MAGI2: variants seen among roughly 807,000 people sequenced by gnomAD.
MAGI2 encodes the protein membrane associated guanylate kinase, WW and PDZ domain containing 2, also known as membrane-associated guanylate kinase, WW and PDZ domain-containing protein 2.
Under a neutral mutation model 133.3 loss-of-function variants are expected in MAGI2, and 35 were observed. The observed-to-expected ratio is 0.26, with a 90% CI of 0.20 to 0.35. The LOEUF (loss-of-function observed/expected upper bound fraction) is 0.35, where lower values mean the gene tolerates loss of function less well. MAGI2 is among the 10% of genes least tolerant of loss of function. The pLI, the probability that MAGI2 is intolerant of heterozygous loss-of-function variation, is 1.00. For synonymous variants in MAGI2, 729 were observed against 710.6 expected, an observed-to-expected ratio of 1.03 and a Z score of -0.41; for missense variants, 1,636 against 1,863.4, an observed-to-expected ratio of 0.88 and a Z score of 2.25.
At chr7:78,995,379 A>T (rs895619265) in intron 2 of MAGI2, among the ~76,000 whole-genome samples, 2 of 152,174 alleles carry the variant, frequency 1.3e-5, no homozygotes, top group African/African-American at 4.8e-5. Flanking sequence ...ATAATTATCA[A>T]TTAACAATTT....
intron 1 of MAGI2, among the ~76,000 whole-genome samples, chr7:79,094,479 C>T (rs1026599221): frequency 6.6e-6 from 1 of 152,320 alleles, no homozygotes; most frequent in South Asian, 2.1e-4. Context: ...ATATTTGGAG[C>T]TCCTCCCATG....
chr7:79,380,087 G>A (rs185751103), intron 1 of MAGI2, among the ~76,000 whole-genome samples: 83 of 151,884 alleles, frequency 5.5e-4, no homozygotes, highest in Non-Finnish European at 1.0e-3. Context: ...ATAGGCATGG[G>A]CAAGGACTTC....
intron 1 of MAGI2, among the ~76,000 whole-genome samples, chr7:79,068,632 T>C (rs574947867): frequency 3.5e-4 from 53 of 152,324 alleles, no homozygotes; most frequent in African/African-American, 1.3e-3. Context: ...TTCTGCTAGC[T>C]TTTGAATTTG....
intron 4 of MAGI2, among the ~76,000 whole-genome samples, chr7:78,509,882 A>G (rs769719196): frequency 1.2e-4 from 19 of 152,168 alleles, no homozygotes; most frequent in Non-Finnish European, 2.4e-4. Context: ...AAAATAATTG[A>G]TTTGTTTTTA....
chr7:79,025,638 C>T (rs1456109296), intron 1 of MAGI2, among the ~76,000 whole-genome samples: 1 of 127,110 alleles, frequency 7.9e-6, no homozygotes. Flanking sequence ...AGAATTAGAA[C>T]GTTGGTAGAG....
chr7:78,613,463 G>A (rs1806697164), intron 3 of MAGI2, among the ~76,000 whole-genome samples: 1 of 152,158 alleles, frequency 6.6e-6, no homozygotes, highest in African/African-American at 2.4e-5. Flanking sequence ...AGTAAAAAAT[G>A]AAGCATTTCC....
chr7:78,722,203 TAATA>T (rs1185558167), intron 2 of MAGI2, among the ~76,000 whole-genome samples: 10 of 151,754 alleles, frequency 6.6e-5, no homozygotes, highest in Non-Finnish European at 1.3e-4. Flanking sequence ...GGAAATTGTA[TAATA>T]AATAGCAGTA....
chr7:78,505,613 AATCAATATTTATT>A (rs1392730133), intron 4 of MAGI2, among the ~76,000 whole-genome samples: 1 of 152,214 alleles, frequency 6.6e-6, no homozygotes, highest in Non-Finnish European at 1.5e-5. Flanking sequence ...ATATTCAGTT[AATCAATATTTATT>A]ATGCACTCAA....
chr7:78,552,838 C>T (rs1039563875), intron 3 of MAGI2, among the ~76,000 whole-genome samples: 2 of 152,016 alleles, frequency 1.3e-5, no homozygotes, highest in African/African-American at 2.4e-5. Context: ...ATACAAACAA[C>T]AAATCCAAAG....
chr7:78,461,353 A>T (rs563052841), intron 6 of MAGI2, among the ~76,000 whole-genome samples: 1 of 151,554 alleles, frequency 6.6e-6, no homozygotes, highest in East Asian at 1.9e-4. Context: ...AAACATTAAA[A>T]ATACAAAAAA....
chr7:78,474,382 C>T (rs1029216009), intron 6 of MAGI2, among the ~76,000 whole-genome samples: 1 of 151,988 alleles, frequency 6.6e-6, no homozygotes, highest in African/African-American at 2.4e-5. Context: ...AGAAAACCCA[C>T]AAGCTGAATT....
At chr7:78,941,875 C>T (rs544523851) in intron 2 of MAGI2, among the ~76,000 whole-genome samples, 1 of 151,982 alleles carries the variant, frequency 6.6e-6, no homozygotes, top group African/African-American at 2.4e-5. Context: ...AAATTGTCAC[C>T]TTTCAACACC....
At chr7:78,400,919 T>C (rs1436751295) in intron 6 of MAGI2, among the ~76,000 whole-genome samples, 1 of 152,182 alleles carries the variant, frequency 6.6e-6, no homozygotes, top group Non-Finnish European at 1.5e-5. Flanking sequence ...GAGAACCTTA[T>C]CTTTCTCGCT....
chr7:79,376,138 C>G (rs934316224), intron 1 of MAGI2, among the ~76,000 whole-genome samples: 1 of 151,670 alleles, frequency 6.6e-6, no homozygotes, highest in African/African-American at 2.4e-5. Context: ...ATAGTAGTTC[C>G]CCTTATCATT....
chr7:79,065,148 T>C (rs1814173865), intron 1 of MAGI2, among the ~76,000 whole-genome samples: 2 of 152,108 alleles, frequency 1.3e-5, no homozygotes, highest in African/African-American at 4.8e-5. Context: ...ACACTAACTC[T>C]AATCTATCCA....
intron 2 of MAGI2, among the ~76,000 whole-genome samples, chr7:78,768,145 C>T (rs1825218851): frequency 6.6e-6 from 1 of 152,202 alleles, no homozygotes; most frequent in African/African-American, 2.4e-5. Context: ...ATCCAGCAAG[C>T]TCTGCTCTTA....
intron 2 of MAGI2, chr7:78,940,723 A>G (rs1584455252): frequency 1.3e-5 from 2 of 152,306 alleles, no homozygotes; most frequent in East Asian, 3.9e-4. Flanking sequence ...GTGATTACCA[A>G]CACAGCTGGG....
chr7:78,779,973 C>A (rs1826268395), intron 2 of MAGI2, among the ~76,000 whole-genome samples: 1 of 152,204 alleles, frequency 6.6e-6, no homozygotes, highest in Non-Finnish European at 1.5e-5. Flanking sequence ...CTTTTTACTG[C>A]ACTATGCTGC....
At chr7:79,149,933 T>C (rs973515115) in intron 1 of MAGI2, among the ~76,000 whole-genome samples, 2 of 152,196 alleles carry the variant, frequency 1.3e-5, no homozygotes, top group African/African-American at 4.8e-5. Flanking sequence ...ATTCTTTTCC[T>C]ATCAATATTA....
Sources: allele counts gnomAD v4.1 joint callset (sites outside exome capture counted in the v4.1 genomes callset), GRCh38; gene constraint gnomAD v4.1.1; transcripts MANE v1.5; gene names NCBI Gene and HGNC (gene_info 2026-07-23, HGNC 2026-07-21).